The following KLHL3 variants were observed in gnomAD, a reference collection of about 807,000 sequenced individuals.
KLHL3 encodes kelch like family member 3.
Under a neutral mutation model 70.5 loss-of-function variants are expected in KLHL3, and 19 were observed. The ratio of observed to expected loss-of-function variants is 0.27; its 90% CI spans 0.19 to 0.40. The LOEUF (loss-of-function observed/expected upper bound fraction) is 0.40. KLHL3 is among the 10% of genes least tolerant of loss of function. The pLI, the probability that KLHL3 is intolerant of heterozygous loss-of-function variation, is 1.00. For synonymous variants in KLHL3, 258 were observed against 290.3 expected (o/e 0.89, Z 1.13); for missense variants, 512 against 771.1 (o/e 0.66, Z 3.98).
chr5:137,682,299 T>C (rs888077610), intron 5 of KLHL3, among the ~76,000 whole-genome samples: 3 of 151,774 alleles, frequency 2.0e-5, no homozygotes, highest in African/African-American at 7.3e-5. Flanking sequence ...TTCTGATGAG[T>C]ATCTTAGGTA....
At chr5:137,633,743 T>C (rs563974547) in intron 12 of KLHL3, among the ~76,000 whole-genome samples, 2 of 152,338 alleles carry the variant, frequency 1.3e-5, no homozygotes, top group African/African-American at 2.4e-5. Flanking sequence ...TTCTCACTTA[T>C]ATGTACAGGC....
At chr5:137,729,983 A>C (rs1185779482) in intron 1 of KLHL3, among the ~76,000 whole-genome samples, 2 of 152,190 alleles carry the variant, frequency 1.3e-5, no homozygotes, top group Non-Finnish European at 2.9e-5. Context: ...CTGAATCGCT[A>C]TAATAGCCCA....
chr5:137,668,919 C>T (rs902732521), intron 6 of KLHL3, among the ~76,000 whole-genome samples: 1 of 149,896 alleles, frequency 6.7e-6, no homozygotes, highest in African/African-American at 2.4e-5. Context: ...TACCAGCACA[C>T]CACTGGCTGA....
chr5:137,709,986 T>G (rs1464461880), intron 2 of KLHL3, 130 bp from the exon 3 acceptor site: 1 of 705,774 alleles, frequency 1.4e-6, no homozygotes, highest in Non-Finnish European at 2.5e-6. Context: ...GGACTTGCTC[T>G]ATCTTGAGTT....
rs956267020 is a variant in KLHL3, at chr5:137,618,461, T to C, written c.*3637A>G. 1.4e-4 allele frequency: 21 copies of C among 152,156 alleles called. No individual in the cohort carries two copies. Among genetic ancestry groups the C allele is most frequent in the Admixed American group, 1.3e-3 (20 of 15,282 alleles). 9.4% of individuals were successfully genotyped at this position (152,156 alleles called of 1,614,324 possible). ...GTGTAGTGTGAGCACCTGCAAAGCA[T>C]ATGCTTAACACACAGGGATCATGAG... On this transcript the variant is annotated 3_prime_UTR_variant, in exon 15 of 15. Transcript: ENST00000309755.
intron 7 of KLHL3, among the ~76,000 whole-genome samples, chr5:137,660,276 G>A (rs753521113): frequency 2.6e-5 from 4 of 152,134 alleles, no homozygotes; most frequent in Non-Finnish European, 4.4e-5. Context: ...CTTCAGTTGT[G>A]GATGCCTGAT....
Position 137,709,754 on chromosome 5 carries a change from G to A in KLHL3, c.237C>T (p.Phe79=), listed in dbSNP as rs750445313. 1.2e-6 allele frequency: 2 copies of A among 1,613,116 alleles called. No homozygotes were observed. The highest frequency in any genetic ancestry group is 1.7e-6 in the Non-Finnish European group (2 of 1,179,106). ...AATGGTGGCCACTCACCATACCTGT[G>A]AACATCGCACAGAAGTAGGGGCTGC... ...AACSPYFCAM[F]TGDMSESKAK... is the part of the protein sequence containing the mutation. Residue 79 remains phenylalanine, a synonymous_variant, in exon 3 of 15, where the codon TTC becomes TTT. Transcript: ENST00000309755.
At chr5:137,649,242 A>G (rs1751137759) in intron 8 of KLHL3, among the ~76,000 whole-genome samples, 1 of 152,256 alleles carries the variant, frequency 6.6e-6, no homozygotes, top group South Asian at 2.1e-4. Context: ...GGCTAGACTT[A>G]GTGACTTGTA....
chr5:137,682,403 T>TAGAGAGAGAGAGAGAGAGAGAGGGAGAG (rs1752050225), intron 5 of KLHL3, among the ~76,000 whole-genome samples: 1 of 133,374 alleles, frequency 7.5e-6, no homozygotes, highest in Non-Finnish European at 1.6e-5. Context: ...GTGCTGGACA[T>TAGAGAGAGAGAGAGAGAGAGAGGGAGAG]AGAGAGAGAG....
intron 12 of KLHL3, among the ~76,000 whole-genome samples, chr5:137,632,438 G>A (rs1015768100): frequency 6.6e-6 from 1 of 152,122 alleles, no homozygotes; most frequent in African/African-American, 2.4e-5. Context: ...AAATGGTGTT[G>A]TATGTGGCTA....
In KLHL3 at chr5:137,631,872, A is replaced by C. The variant is rs181528925; in HGVS notation, c.1450+2165T>G. Among the ~76,000 whole-genome samples the C allele has an allele frequency of 7.9e-5, 12 of 152,290 alleles. 2 individuals are homozygous for C. In the East Asian group the frequency reaches 2.3e-3, roughly 29 times the overall value. Reference sequence around the variant, plus strand: ...TCTAGTGATCCCCCAGGAAAGGTTAACTTATAAAGTACTGTGTCTAGCTGC... The same window carrying C: ...TCTAGTGATCCCCCAGGAAAGGTTACCTTATAAAGTACTGTGTCTAGCTGC... On this transcript the variant is annotated intron_variant, in intron 12 of 14. Transcript: ENST00000309755.
intron 8 of KLHL3, among the ~76,000 whole-genome samples, chr5:137,654,466 T>C (rs1751290582): frequency 6.6e-6 from 1 of 152,202 alleles, no homozygotes; most frequent in Non-Finnish European, 1.5e-5. Context: ...GACAGACCTA[T>C]TGCTGTGATG....
intron 5 of KLHL3, among the ~76,000 whole-genome samples, chr5:137,680,902 A>G (rs1460691170): frequency 6.6e-6 from 1 of 152,134 alleles, no homozygotes; most frequent in Non-Finnish European, 1.5e-5. Context: ...GACCAGGCAC[A>G]GTGGCTCATA....
At chr5:137,628,274 G>A (rs763826885) in intron 13 of KLHL3, 23 bp downstream of exon 13, 4 of 1,613,518 alleles carry the variant, frequency 2.5e-6, no homozygotes, top group Non-Finnish European at 3.4e-6. Flanking sequence ...CCCCAAAGGG[G>A]AGATGGAGAG....
chr5:137,647,063 T>G (rs1432634130), intron 8 of KLHL3, among the ~76,000 whole-genome samples: 1 of 152,134 alleles, frequency 6.6e-6, no homozygotes, highest in Non-Finnish European at 1.5e-5. Flanking sequence ...TGAGCTGAAC[T>G]CCACTGTAGC....
chr5:137,685,271 T>TA (rs900179676), intron 5 of KLHL3, among the ~76,000 whole-genome samples: 1 of 152,076 alleles, frequency 6.6e-6, no homozygotes, highest in Non-Finnish European at 1.5e-5. Flanking sequence ...GCATTTTAAA[T>TA]AAAAAAACTG....
intron 10 of KLHL3, 121 bp from the exon 11 acceptor site, chr5:137,637,516 G>T: frequency 1.3e-6 from 1 of 758,424 alleles, no homozygotes; most frequent in Non-Finnish European, 2.3e-6. Context: ...GTATGGCTCA[G>T]TACCACCTCT....
intron 1 of KLHL3, among the ~76,000 whole-genome samples, chr5:137,727,672 T>C (rs1386263237): frequency 2.0e-5 from 3 of 152,182 alleles, no homozygotes; most frequent in African/African-American, 7.2e-5. Context: ...CCTTCAAGCC[T>C]CTTCCCTGAA....
At chr5:137,672,744 G>C (rs892072699) in intron 6 of KLHL3, 1 of 152,160 alleles carries the variant, frequency 6.6e-6, no homozygotes, top group East Asian at 1.9e-4. Flanking sequence ...AACTGCACTC[G>C]AACTCAGGAG....
Sources: gnomAD v4.1 joint callset for allele counts (sites outside exome capture counted in the v4.1 genomes callset) on GRCh38, gnomAD v4.1.1 for gene constraint, MANE v1.5 for transcripts, NCBI Gene and HGNC (gene_info 2026-07-23, HGNC 2026-07-21) for gene names.